BMP8B: variants seen among roughly 807,000 people sequenced by gnomAD.
BMP8B encodes bone morphogenetic protein 8b.
Under a neutral mutation model 30.3 loss-of-function variants are expected in BMP8B, and 17 were observed. The ratio of observed to expected loss-of-function variants is 0.56; its 90% CI spans 0.38 to 0.84. The LOEUF is 0.84. Among genes scored for constraint, BMP8B ranks in the 40% least tolerant of loss-of-function variants. The pLI, the probability that BMP8B is intolerant of heterozygous loss-of-function variation, is 0.00. For missense variants in BMP8B, 253 were observed against 494.6 expected (o/e 0.51, Z 4.63); for synonymous variants, 131 against 214.7 (o/e 0.61, Z 3.41).
chr1:39,769,618 C>A, intron 3 of BMP8B: 1 of 1,440,514 alleles, frequency 6.9e-7, no homozygotes, highest in Non-Finnish European at 9.1e-7. Context: ...AAACCCCTCC[C>A]AGAGCTGGGG....
chr1:39,770,246 T>G, intron 3 of BMP8B: 1 of 1,520,912 alleles, frequency 6.6e-7, no homozygotes, highest in Non-Finnish European at 8.8e-7. Flanking sequence ...ACTGTGAAGA[T>G]GGACAGTCAT....
intron 6 of BMP8B, chr1:39,762,531 C>G (rs1194821962): frequency 1.4e-5 from 21 of 1,550,034 alleles, no homozygotes; most frequent in Non-Finnish European, 1.8e-5. Flanking sequence ...CCCCAGATAC[C>G]AAGGCATCAA....
At chr1:39,787,085 G>C (rs535904019) in intron 1 of BMP8B, among the ~76,000 whole-genome samples, 3 of 152,244 alleles carry the variant, frequency 2.0e-5, no homozygotes, top group African/African-American at 7.2e-5. Context: ...GCTCAGCAGC[G>C]TAGAGGCTGC....
At chr1:39,771,281 C>T (rs1649960686) in intron 3 of BMP8B, 1 of 1,498,494 alleles carries the variant, frequency 6.7e-7, no homozygotes, top group Non-Finnish European at 8.9e-7. Context: ...GAGGCCAGGA[C>T]AGGTGGTGTG....
intron 1 of BMP8B, among the ~76,000 whole-genome samples, chr1:39,787,240 A>G (rs565929375): frequency 1.4e-5 from 2 of 146,390 alleles, no homozygotes; most frequent in East Asian, 2.1e-4. Flanking sequence ...GGCCGGGGCC[A>G]GGGACCCTCT....
rs754639783 is a variant in BMP8B, at chr1:39,788,111, C to T, written c.334+41G>A. ...CGGATGCGCGCCCCTCCCCTGCAGC[C>T]AGCTTACTCCGAGGGTCCCCGCGCG... On this transcript the variant is annotated intron_variant, in intron 1 of 6. Coordinates refer to ENST00000372827, the MANE Select transcript of BMP8B (RefSeq NM_001720.5). The surrounding 1 kb of genome is among the most constrained non-coding windows in gnomAD (Gnocchi z 5.8). 9.9e-6 allele frequency: 15 copies of T among 1,514,402 alleles called. No homozygotes were observed. Among genetic ancestry groups the T allele is most frequent in the Non-Finnish European group, 1.3e-5 (15 of 1,143,286 alleles). 93.8% of individuals were successfully genotyped at this position (1,514,402 alleles called of 1,614,324 possible).
In BMP8B at chr1:39,763,912, C is replaced by T. The variant is rs1009090217; in HGVS notation, c.869-121G>A. The T allele has an allele frequency of 2.5e-5, 31 of 1,228,818 alleles. 3 individuals are homozygous for T. In the African/African-American group the frequency reaches 3.7e-4, roughly 15 times the overall value. 76.1% of individuals were successfully genotyped at this position (1,228,818 alleles called of 1,614,324 possible). On this transcript the variant is annotated intron_variant, in intron 4 of 6. Transcript: ENST00000372827. ...TGTCAAATAAATGAATGACAGGAAA[C>T]CATTTGGTCTCATAAAGCCCATCCC...
At chr1:39,762,539 C>T in intron 6 of BMP8B, 2 of 1,550,206 alleles carry the variant, frequency 1.3e-6, no homozygotes, top group Non-Finnish European at 1.7e-6. Flanking sequence ...ACCAAGGCAT[C>T]AAAAGCCAGG....
rs1648409121 is a variant in BMP8B at position 39,757,512 on chromosome 1, G to C, written c.*2907C>G. ...AGAAGTTAGTGACTACGAATCCCCTGCTGACTTGGCCTCAAGGCCAGTATT... is the reference window on the plus strand; with the variant it reads ...AGAAGTTAGTGACTACGAATCCCCTCCTGACTTGGCCTCAAGGCCAGTATT... On this transcript the variant is annotated 3_prime_UTR_variant, in exon 7 of 7. Transcript: ENST00000372827. 1 of 152,282 alleles carries C rather than the reference G, an allele frequency of 6.6e-6. No individual in the cohort carries two copies. Among genetic ancestry groups the C allele is most frequent in the East Asian group, 1.9e-4 (1 of 5,204 alleles). 9.4% of individuals were successfully genotyped at this position (152,282 alleles called of 1,614,324 possible). A position where few individuals can be genotyped will look rare whatever the true frequency, so the allele number is the denominator to read the frequency against.
At chr1:39,763,625 A>C in intron 5 of BMP8B, 87 bp downstream of exon 5, 1 of 1,423,168 alleles carries the variant, frequency 7.0e-7, no homozygotes, top group Non-Finnish European at 9.5e-7. Flanking sequence ...AATTGAAGTC[A>C]CCATGATTCT....
chr1:39,788,329 C>G lies in BMP8B; in HGVS notation c.157G>C (p.Gly53Arg), dbSNP rs1217055713. ...CGGGGCCGGGGCCGCCCAGGCAGCC[C>G]GAGCACCGCCAGGATCTCGCGCTGC... ...DVQREILAVLGLPGRPRPRAP... is the reference protein window; with the variant it reads ...DVQREILAVLRLPGRPRPRAP... The change falls in exon 1 of 7, where the codon GGG becomes CGG. Residue 53 changes from glycine to arginine, a missense_variant. Physicochemically the swap from Gly to Arg is moderately radical, Grantham distance 125. Coordinates refer to ENST00000372827, the MANE Select transcript of BMP8B (RefSeq NM_001720.5). The surrounding 1 kb of genome is among the most constrained non-coding windows in gnomAD (Gnocchi z 5.8). The G allele has an allele frequency of 1.2e-5, 15 of 1,219,658 alleles. No individual in the cohort carries two copies. Among genetic ancestry groups the G allele is most frequent in the Non-Finnish European group, 1.5e-5 (15 of 984,844 alleles). The allele number at this position is 1,219,658 out of a possible 1,614,324, so 75.6% of individuals were successfully genotyped here. A position where few individuals can be genotyped will look rare whatever the true frequency, so the allele number is the denominator to read the frequency against.
chr1:39,786,164 T>A (rs1405609613), intron 1 of BMP8B, among the ~76,000 whole-genome samples: 1 of 152,258 alleles, frequency 6.6e-6, no homozygotes, highest in Non-Finnish European at 1.5e-5. Context: ...TGAGGAATTG[T>A]AAGGCTGTGA....
chr1:39,760,851 C>G (rs924989830), intron 6 of BMP8B, among the ~76,000 whole-genome samples: 1 of 152,176 alleles, frequency 6.6e-6, no homozygotes, highest in Non-Finnish European at 1.5e-5. Context: ...GCCAAGGGCT[C>G]AGACTTCCTC....
rs555756637 is a variant in BMP8B at position 39,780,531 on chromosome 1, G to A, written c.335-5493C>T. 1.3e-3 allele frequency among the ~76,000 whole-genome samples: 196 copies of A among 152,326 alleles called. 2 individuals are homozygous for A. Among genetic ancestry groups the A allele is most frequent in the Middle Eastern group, 0.01 (3 of 294 alleles). ...CGTGAATTCCATTCTGGCTTGAAGG[G>A]ACACACAGAAGCTCCTGAGCAGGAA... On this transcript the variant is annotated intron_variant, in intron 1 of 6. Coordinates refer to ENST00000372827, the MANE Select transcript of BMP8B (RefSeq NM_001720.5).
chr1:39,769,601 C>T, intron 3 of BMP8B: 1 of 1,426,986 alleles, frequency 7.0e-7, no homozygotes, highest in South Asian at 1.5e-5. Context: ...AGTAGGAGGC[C>T]AGTAGCAAAC....
At position 39,788,799 on chromosome 1, in the gene BMP8B, C is replaced by A. The variant is rs1651189847; in HGVS notation, c.-314G>T. 1 of 154,220 alleles carries A rather than the reference C, an allele frequency of 6.5e-6. No homozygotes were observed. The highest frequency in any genetic ancestry group is 1.4e-5 in the Non-Finnish European group (1 of 70,014). The allele number at this position is 154,220 out of a possible 1,614,324, so 9.6% of individuals were successfully genotyped here. Reference sequence around the variant, plus strand: ...CGCCAGTCCGGCTGTGGCCGCGGTCCGAGCAGCGCAGGGGCGATGGGCGAG... The same window carrying A: ...CGCCAGTCCGGCTGTGGCCGCGGTCAGAGCAGCGCAGGGGCGATGGGCGAG... On this transcript the variant is annotated 5_prime_UTR_variant, in exon 1 of 7. Coordinates refer to ENST00000372827, the MANE Select transcript of BMP8B (RefSeq NM_001720.5). This position sits in a 1 kb window ranked among gnomAD's most constrained non-coding sequence, Gnocchi z 5.8.
At position 39,784,714 on chromosome 1, in the gene BMP8B, C is replaced by T. The variant is rs1205315434; in HGVS notation, c.334+3438G>A. Among the ~76,000 whole-genome samples the T allele has an allele frequency of 4.0e-5, 5 of 123,500 alleles. 1 individual carries two copies. The highest frequency in any genetic ancestry group is 8.4e-5 in the Admixed American group (1 of 11,970). 81.0% of individuals were successfully genotyped at this position (123,500 alleles called of 152,430 possible). A position where few individuals can be genotyped will look rare whatever the true frequency, so the allele number is the denominator to read the frequency against. On this transcript the variant is annotated intron_variant, in intron 1 of 6. Transcript: ENST00000372827. ...GATGGTGCCACCCTTCTAGGTCACA[C>T]GGCTGGCAAGGGCAGAGCAGGACCC...
rs1188393404 is a variant in BMP8B at position 39,788,173 on chromosome 1, C to T, written c.313G>A (p.Val105Ile). 7.6e-6 allele frequency: 12 copies of T among 1,574,496 alleles called. No homozygotes were observed. The Middle Eastern group carries it at 1.1e-3, about 141-fold the overall frequency. ...TCACCCATGTTAACGAAGCTCATGACCAGGTCGGCGCGGCCCAGGCGCCGC... is the reference window on the plus strand; with the variant it reads ...TCACCCATGTTAACGAAGCTCATGATCAGGTCGGCGCGGCCCAGGCGCCGC... Reference protein sequence around the residue: ...AERRLGRADLVMSFVNMVERD... With the variant: ...AERRLGRADLIMSFVNMVERD... The change falls in exon 1 of 7, where the codon GTC becomes ATC. Residue 105 changes from valine (V) to isoleucine (I), a missense_variant. Val to Ile is a conservative substitution (Grantham distance 29). Coordinates refer to ENST00000372827, the MANE Select transcript of BMP8B (RefSeq NM_001720.5). This position sits in a 1 kb window ranked among gnomAD's most constrained non-coding sequence, Gnocchi z 5.8.
At position 39,788,466 on chromosome 1, in the gene BMP8B, G is replaced by C. The variant is rs1356413022; in HGVS notation, c.20C>G (p.Pro7Arg). ...TAGCGCCAGGCCCAGGAGCCAGAGC[G>C]GGCCGGGGAGCGCGGTCATGGCAGG... MTALPG[P>R]LWLLGLALCA... The change falls in exon 1 of 7, where the codon CCG becomes CGG. Residue 7 changes from proline (P) to arginine (R), a missense_variant. Transcript: ENST00000372827. The surrounding 1 kb of genome is among the most constrained non-coding windows in gnomAD (Gnocchi z 5.8). 2.9e-6 allele frequency: 3 copies of C among 1,024,546 alleles called. No individual in the cohort carries two copies. The highest frequency in any genetic ancestry group is 3.5e-5 in the African/African-American group (2 of 57,654). The allele number at this position is 1,024,546 out of a possible 1,614,324, so 63.5% of individuals were successfully genotyped here.
Sources: gnomAD v4.1 joint callset for allele counts (sites outside exome capture counted in the v4.1 genomes callset) on GRCh38, gnomAD v4.1.1 for gene constraint, Gnocchi (gnomAD v3.1) non-coding constraint, MANE v1.5 for transcripts, NCBI Gene and HGNC (gene_info 2026-07-23, HGNC 2026-07-21) for gene names.